Variants in GPR137C observed in about 807,000 individuals in gnomAD.
The protein encoded by GPR137C is integral membrane protein GPR137C.
A neutral mutation model predicts 43.4 loss-of-function variants in GPR137C; 27 were observed. That is an observed-to-expected ratio of 0.62 (90% CI 0.46 to 0.86). The LOEUF (loss-of-function observed/expected upper bound fraction) is 0.86, where lower values mean the gene tolerates loss of function less well. Among genes scored for constraint, GPR137C ranks in the 40% least tolerant of loss-of-function variants. The pLI is 0.00. For missense variants in GPR137C, 522 were observed against 534.6 expected (o/e 0.98, Z 0.23); for synonymous variants, 285 against 226.9 (o/e 1.26, Z -2.30).
intron 1 of GPR137C, among the ~76,000 whole-genome samples, chr14:52,576,971 C>G (rs563913641): frequency 3.9e-5 from 6 of 152,134 alleles, no homozygotes; most frequent in African/African-American, 1.4e-4. Flanking sequence ...AGGTGGATCA[C>G]TTGAGGTCAG....
rs1363671599 is a variant in GPR137C at position 52,635,168 on chromosome 14, A to G, written c.*53A>G. Reference sequence around the variant, plus strand: ...TTGTTTTTCATAAATGTGTATATTCAATGTGTTTAAATTCCATCTACATAA... The same window carrying G: ...TTGTTTTTCATAAATGTGTATATTCGATGTGTTTAAATTCCATCTACATAA... On this transcript the variant is annotated 3_prime_UTR_variant, in exon 7 of 7. Transcript: ENST00000321662. 1.5e-6 allele frequency: 2 copies of G among 1,354,586 alleles called. No individual in the cohort carries two copies. Among genetic ancestry groups the G allele is most frequent in the African/African-American group, 1.5e-5 (1 of 66,764 alleles). 83.9% of individuals were successfully genotyped at this position (1,354,586 alleles called of 1,614,324 possible).
At chr14:52,609,077 T>C (rs1444569647) in intron 3 of GPR137C, among the ~76,000 whole-genome samples, 2 of 152,204 alleles carry the variant, frequency 1.3e-5, no homozygotes, top group Middle Eastern at 3.2e-3. Flanking sequence ...TGCTTTTTTA[T>C]GTTGGCCCAC....
At chr14:52,607,920 A>G (rs765565035) in intron 3 of GPR137C, among the ~76,000 whole-genome samples, 29 of 152,034 alleles carry the variant, frequency 1.9e-4, no homozygotes, top group Non-Finnish European at 3.1e-4. Context: ...TCTGATATGA[A>G]TATAGCTCTT....
At chr14:52,568,941 C>T (rs1388468973) in intron 1 of GPR137C, among the ~76,000 whole-genome samples, 1 of 152,236 alleles carries the variant, frequency 6.6e-6, no homozygotes, top group Non-Finnish European at 1.5e-5. Context: ...CGCTTGAGCT[C>T]TGCTAAGGGA....
intron 3 of GPR137C, 56 bp downstream of exon 3, chr14:52,600,397 C>G: frequency 1.2e-6 from 1 of 856,578 alleles, no homozygotes; most frequent in South Asian, 1.6e-5. Flanking sequence ...TCTTACCCTA[C>G]TAATCATATT....
At position 52,600,273 on chromosome 14, in the gene GPR137C, A is replaced by G; in HGVS notation, c.649A>G (p.Ile217Val). ...INDSLFILCA[I>V]SLVCYICKIT... ...TGATAGCCTGTTTATTCTTTGTGCC[A>G]TCTCTTTAGTGTGTTACATATGCAA... The change falls in exon 3 of 7, where the codon ATC becomes GTC. Residue 217 changes from isoleucine to valine, a missense_variant. Physicochemically the swap from Ile to Val is conservative, Grantham distance 29 (BLOSUM62 3). This residue lies in a region of GPR137C where 437 missense variants were observed against 425.7 expected (regional missense o/e 1.03). Coordinates refer to ENST00000321662, the MANE Select transcript of GPR137C (RefSeq NM_001099652.2). The G allele has an allele frequency of 6.2e-7, 1 of 1,613,522 alleles. No homozygotes were observed. The highest frequency in any genetic ancestry group is 2.2e-5 in the East Asian group (1 of 44,856).
chr14:52,572,722 A>G (rs1040207342), intron 1 of GPR137C, among the ~76,000 whole-genome samples: 4 of 152,228 alleles, frequency 2.6e-5, no homozygotes, highest in East Asian at 1.9e-4. Context: ...CTCCTATTCA[A>G]CATAGTATTG....
intron 1 of GPR137C, among the ~76,000 whole-genome samples, chr14:52,569,312 G>A (rs928522860): frequency 6.6e-6 from 1 of 151,974 alleles, no homozygotes; most frequent in Non-Finnish European, 1.5e-5. Context: ...ACCAAAGGTA[G>A]GTAAATCCAT....
At chr14:52,592,693 CTT>C (rs2038799681) in intron 1 of GPR137C, among the ~76,000 whole-genome samples, 1 of 152,210 alleles carries the variant, frequency 6.6e-6, no homozygotes, top group African/African-American at 2.4e-5. Context: ...TATCCTGAGA[CTT>C]TGCTGAAGTT....
chr14:52,626,662 A>G (rs910171630), intron 3 of GPR137C, among the ~76,000 whole-genome samples: 3 of 152,198 alleles, frequency 2.0e-5, no homozygotes, highest in Non-Finnish European at 4.4e-5. Flanking sequence ...AAAGGTAAAC[A>G]ATGGGAATTA....
Position 52,598,310 on chromosome 14 carries a change from A to G in GPR137C, c.483A>G (p.Arg161=). 1 of 1,367,172 alleles carries G rather than the reference A, an allele frequency of 7.3e-7. No individual in the cohort carries two copies. The highest frequency in any genetic ancestry group is 1.0e-6 in the Non-Finnish European group (1 of 996,900). 84.7% of individuals were successfully genotyped at this position (1,367,172 alleles called of 1,614,324 possible). ...CKVRCATELD[R]HKILLHLGFI... Reference sequence around the variant, plus strand: ...TCAGATGTGCCACTGAACTTGACAGACACAAGTAAGTTTTATGAGTATCTA... The same window carrying G: ...TCAGATGTGCCACTGAACTTGACAGGCACAAGTAAGTTTTATGAGTATCTA... Residue 161 remains arginine (R), a synonymous_variant, in exon 2 of 7, where the codon AGA becomes AGG. Transcript: ENST00000321662.
At position 52,612,168 on chromosome 14, in the gene GPR137C, A is replaced by G. The variant is rs191683242; in HGVS notation, c.717+11827A>G. On this transcript the variant is annotated intron_variant, in intron 3 of 6. Coordinates refer to ENST00000321662, the MANE Select transcript of GPR137C (RefSeq NM_001099652.2). The stretch of plus-strand genomic sequence containing the variant: ...TTTCTGATTATTAAAACTTGGCAAT[A>G]TGAAAGAATATGATTTCTTTAATGT... 8.1e-6 allele frequency: 8 copies of G among 983,900 alleles called. No individual in the cohort carries two copies. In the African/African-American group the frequency reaches 1.4e-4, roughly 17 times the overall value. The allele number at this position is 983,900 out of a possible 1,614,324, so 60.9% of individuals were successfully genotyped here. A position where few individuals can be genotyped will look rare whatever the true frequency, so the allele number is the denominator to read the frequency against.
intron 1 of GPR137C, among the ~76,000 whole-genome samples, chr14:52,594,434 T>G (rs1340965780): frequency 6.6e-6 from 1 of 151,746 alleles, no homozygotes; most frequent in Non-Finnish European, 1.5e-5. Flanking sequence ...TGTTAAAGTC[T>G]CCGATTATTG....
In GPR137C at chr14:52,600,241, T is replaced by C. The variant is rs61995759; in HGVS notation, c.617T>C (p.Leu206Ser). The change falls in exon 3 of 7, where the codon TTA becomes TCA. Residue 206 changes from leucine (L) to serine (S), a missense_variant. Leu to Ser is a moderately radical substitution (Grantham distance 145, BLOSUM62 -2). Transcript: ENST00000321662. ...QLKWTVFVRA[L>S]INDSLFILCA... is the part of the protein sequence containing the mutation. Reference sequence around the variant, plus strand: ...AAGTGGACTGTGTTTGTTCGAGCATTAATTAATGATAGCCTGTTTATTCTT... The same window carrying C: ...AAGTGGACTGTGTTTGTTCGAGCATCAATTAATGATAGCCTGTTTATTCTT... The C allele has an allele frequency of 1.4e-4, 220 of 1,613,608 alleles. No homozygotes were observed. The African/African-American group carries it at 2.5e-3, about 18-fold the overall frequency.
At chr14:52,604,811 A>C (rs1362898163) in intron 3 of GPR137C, among the ~76,000 whole-genome samples, 1 of 152,010 alleles carries the variant, frequency 6.6e-6, no homozygotes, top group Non-Finnish European at 1.5e-5. Flanking sequence ...ATTTATTGAG[A>C]TTGTGACTTC....
Position 52,553,354 on chromosome 14 carries a change from G to A in GPR137C, c.207G>A (p.Trp69Ter). Residue 69 changes from tryptophan (W) to a stop codon, truncating the protein, a stop_gained, in exon 1 of 7, where the codon TGG (tryptophan) becomes TGA (stop). Coordinates refer to ENST00000321662, the MANE Select transcript of GPR137C (RefSeq NM_001099652.2). LOFTEE classifies it high-confidence loss of function. ...TCGCCTTTGCCTACCTGCAGCTGTGGCGGCTGCTCCTGTACCGCGAGCGGC... is the reference window on the plus strand; with the variant it reads ...TCGCCTTTGCCTACCTGCAGCTGTGACGGCTGCTCCTGTACCGCGAGCGGC... ...ALFAFAYLQL[W>*]RLLLYRERRL... The A allele has an allele frequency of 6.2e-7, 1 of 1,602,688 alleles. No homozygotes were observed. The highest frequency in any genetic ancestry group is 8.5e-7 in the Non-Finnish European group (1 of 1,178,562).
intron 3 of GPR137C, among the ~76,000 whole-genome samples, chr14:52,615,419 A>G (rs1000400619): frequency 1.4e-5 from 2 of 146,150 alleles, no homozygotes; most frequent in Non-Finnish European, 3.0e-5. Context: ...TTTGCTCAGG[A>G]TGTCTTTGGC....
intron 1 of GPR137C, among the ~76,000 whole-genome samples, chr14:52,586,939 AT>A (rs776176050): frequency 4.7e-4 from 72 of 152,156 alleles, no homozygotes; most frequent in Non-Finnish European, 9.1e-4. Context: ...ACCGTAATGC[AT>A]TTTCTACACT....
intron 1 of GPR137C, among the ~76,000 whole-genome samples, chr14:52,560,706 G>A (rs183728219): frequency 7.2e-5 from 11 of 152,212 alleles, no homozygotes; most frequent in Admixed American, 5.2e-4. Context: ...ATATTCGTAT[G>A]GGAAAAATGA....
Sources: gnomAD v4.1 joint callset for allele counts (sites outside exome capture counted in the v4.1 genomes callset) on GRCh38, gnomAD v4.1.1 for gene constraint, gnomAD v4.1.1 regional missense constraint, MANE v1.5 for transcripts, NCBI Gene and HGNC (gene_info 2026-07-23, HGNC 2026-07-21) for gene names.